Variants in KCNJ6 observed in about 807,000 individuals in gnomAD.
The protein encoded by KCNJ6 is G protein-activated inward rectifier potassium channel 2.
KCNJ6 carries 9 observed loss-of-function variants against 34.2 expected under a neutral mutation model. The observed-to-expected ratio is 0.26, with a 90% CI of 0.16 to 0.46. The LOEUF (loss-of-function observed/expected upper bound fraction) is 0.46, where lower values mean the gene tolerates loss of function less well. Ranked by LOEUF, KCNJ6 falls within the 20% of genes least tolerant of loss-of-function variation. The pLI, the probability that KCNJ6 is intolerant of heterozygous loss-of-function variation, is 1.00. For missense variants in KCNJ6, 236 were observed against 531.3 expected, an observed-to-expected ratio of 0.44 and a Z score of 5.46; for synonymous variants, 196 against 207.1, an observed-to-expected ratio of 0.95 and a Z score of 0.46.
chr21:37,905,492 C>A lies in KCNJ6; in HGVS notation c.-28+10392G>T, dbSNP rs182349731. Among the ~76,000 whole-genome samples, 228 of 152,266 alleles carry A rather than the reference C, an allele frequency of 1.5e-3. 2 individuals carry two copies. The highest frequency in any genetic ancestry group is 1.8e-3 in the Non-Finnish European group (124 of 68,030). ...GGCAAAACCGCAATTACTTTTGCAC[C>A]AACCTATAGGTGGGTTCCTCATAGG... On this transcript the variant is annotated intron_variant, in intron 1 of 3. Transcript: ENST00000609713.
chr21:37,829,771 C>T lies in KCNJ6; in HGVS notation c.25+10887G>A, dbSNP rs75234583. 1.1e-3 allele frequency among the ~76,000 whole-genome samples: 166 copies of T among 152,350 alleles called. 2 individuals are homozygous for T. The highest frequency in any genetic ancestry group is 3.8e-3 in the African/African-American group (160 of 41,588). On this transcript the variant is annotated intron_variant, in intron 2 of 3. Transcript: ENST00000609713. ...AGGAAGACACTGGAGTGAAATGCTCCATGGAGGCTTTGCCCACGCAGGGGT... is the reference window on the plus strand; with the variant it reads ...AGGAAGACACTGGAGTGAAATGCTCTATGGAGGCTTTGCCCACGCAGGGGT...
chr21:37,889,907 C>T (rs1331107910), intron 1 of KCNJ6, among the ~76,000 whole-genome samples: 2 of 152,208 alleles, frequency 1.3e-5, no homozygotes, highest in Non-Finnish European at 2.9e-5. Context: ...GGTAAAGCCA[C>T]ATGCATAGGT....
chr21:37,753,718 C>T (rs186854835), intron 2 of KCNJ6, among the ~76,000 whole-genome samples: 20 of 152,284 alleles, frequency 1.3e-4, no homozygotes, highest in African/African-American at 4.6e-4. Flanking sequence ...ACCTGCAGAT[C>T]GAGGGAACGC....
At chr21:37,720,339 T>C (rs933865419) in intron 2 of KCNJ6, among the ~76,000 whole-genome samples, 21 of 152,322 alleles carry the variant, frequency 1.4e-4, no homozygotes, top group Admixed American at 9.2e-4. Context: ...GACATTTGCT[T>C]GACCTGAATC....
chr21:37,889,448 G>C (rs2055751422), intron 1 of KCNJ6, among the ~76,000 whole-genome samples: 1 of 152,126 alleles, frequency 6.6e-6, no homozygotes, highest in South Asian at 2.1e-4. Context: ...AAGAGGGGAG[G>C]GCTGGGCTGG....
chr21:37,865,564 GCTC>G lies in KCNJ6; in HGVS notation c.-27-24858_-27-24856del, dbSNP rs768159557. ...AGTGGTAGAACAAGCAATTTTTTGA[GCTC>G]CTTATAGCTTATCTAATTAATCATT... On this transcript the variant is annotated intron_variant, in intron 1 of 3. Transcript: ENST00000609713. 1.2e-3 allele frequency among the ~76,000 whole-genome samples: 190 copies of G among 152,312 alleles called. 2 individuals carry two copies. The highest frequency in any genetic ancestry group is 1.6e-3 in the Admixed American group (24 of 15,304).
At chr21:37,751,589 G>A (rs2054995903) in intron 2 of KCNJ6, among the ~76,000 whole-genome samples, 1 of 152,244 alleles carries the variant, frequency 6.6e-6, no homozygotes, top group South Asian at 2.1e-4. Flanking sequence ...AAGAAACTCA[G>A]TTGTCCCGGG....
intron 3 of KCNJ6, among the ~76,000 whole-genome samples, chr21:37,696,648 C>G (rs2054664812): frequency 6.6e-6 from 1 of 152,080 alleles, no homozygotes; most frequent in African/African-American, 2.4e-5. Context: ...AAATCTGAAT[C>G]AAGTCTGCAG....
chr21:37,848,945 A>T (rs2055523932), intron 1 of KCNJ6, among the ~76,000 whole-genome samples: 1 of 152,058 alleles, frequency 6.6e-6, no homozygotes, highest in African/African-American at 2.4e-5. Flanking sequence ...TCCCCAGGGG[A>T]GTTGGTTTCT....
At chr21:37,835,073 G>GTGGC (rs2055445350) in intron 2 of KCNJ6, among the ~76,000 whole-genome samples, 2 of 152,232 alleles carry the variant, frequency 1.3e-5, no homozygotes, top group Non-Finnish European at 2.9e-5. Flanking sequence ...CCAAGGAAAA[G>GTGGC]TGGGGAGTGG....
intron 3 of KCNJ6, among the ~76,000 whole-genome samples, chr21:37,680,697 AC>A (rs1439203240): frequency 1.3e-5 from 2 of 152,122 alleles, no homozygotes; most frequent in African/African-American, 4.8e-5. Context: ...TTGGACTTGG[AC>A]TTGGACTAGG....
In KCNJ6 at chr21:37,755,574, A is replaced by G. The variant is rs115573840; in HGVS notation, c.26-40443T>C. Among the ~76,000 whole-genome samples the G allele has an allele frequency of 4.1e-3, 625 of 152,332 alleles. 4 individuals carry two copies. The highest frequency in any genetic ancestry group is 0.014 in the African/African-American group (602 of 41,562). On this transcript the variant is annotated intron_variant, in intron 2 of 3. Transcript: ENST00000609713. Reference sequence around the variant, plus strand: ...ACAAATCTGTGTGTGCTTTGCCATGAGGGGCAACTGAAGGAAGAGAGGAGC... The same window carrying G: ...ACAAATCTGTGTGTGCTTTGCCATGGGGGGCAACTGAAGGAAGAGAGGAGC...
intron 2 of KCNJ6, among the ~76,000 whole-genome samples, chr21:37,780,666 G>A (rs2055165199): frequency 6.6e-6 from 1 of 152,074 alleles, no homozygotes; most frequent in African/African-American, 2.4e-5. Context: ...TAAAAATAAA[G>A]TTTAGCATGA....
intron 3 of KCNJ6, among the ~76,000 whole-genome samples, chr21:37,688,624 T>A (rs1297548078): frequency 6.6e-6 from 1 of 152,166 alleles, no homozygotes; most frequent in African/African-American, 2.4e-5. Context: ...CTTAATGGGA[T>A]GTGTGACACA....
At chr21:37,889,419 G>A (rs1485283001) in intron 1 of KCNJ6, among the ~76,000 whole-genome samples, 1 of 150,520 alleles carries the variant, frequency 6.6e-6, no homozygotes, top group Non-Finnish European at 1.5e-5. Context: ...AGGAGGAGGT[G>A]ACGGCAGAAG....
intron 1 of KCNJ6, among the ~76,000 whole-genome samples, chr21:37,867,129 A>C (rs1201380675): frequency 6.6e-6 from 1 of 152,178 alleles, no homozygotes; most frequent in African/African-American, 2.4e-5. Context: ...TCTTCTTTGA[A>C]TCTTTTGTAA....
intron 2 of KCNJ6, among the ~76,000 whole-genome samples, chr21:37,816,388 T>C (rs531018185): frequency 6.6e-6 from 1 of 152,340 alleles, no homozygotes; most frequent in East Asian, 1.9e-4. Flanking sequence ...GCAGATAAAA[T>C]AAATCATTTC....
intron 1 of KCNJ6, among the ~76,000 whole-genome samples, chr21:37,888,443 A>AT (rs757478942): frequency 6.6e-6 from 1 of 152,092 alleles, no homozygotes; most frequent in African/African-American, 2.4e-5. Flanking sequence ...GGCCAGATGG[A>AT]TTTTTTTTAA....
intron 2 of KCNJ6, among the ~76,000 whole-genome samples, chr21:37,780,583 G>T (rs1422019504): frequency 1.3e-5 from 2 of 151,626 alleles, no homozygotes; most frequent in African/African-American, 4.9e-5. Context: ...TGTGGTGGGG[G>T]TGGGGGAGTG....
Sources: allele counts gnomAD v4.1 joint callset (sites outside exome capture counted in the v4.1 genomes callset), GRCh38; gene constraint gnomAD v4.1.1; transcripts MANE v1.5; gene names NCBI Gene and HGNC (gene_info 2026-07-23, HGNC 2026-07-21).